Variants in LRRC4C observed in about 807,000 individuals in gnomAD.
LRRC4C encodes the protein leucine-rich repeat-containing protein 4C.
Under a neutral mutation model 33.6 loss-of-function variants are expected in LRRC4C, and 5 were observed. The ratio of observed to expected loss-of-function variants is 0.15; its 90% confidence interval spans 0.08 to 0.31. The LOEUF (loss-of-function observed/expected upper bound fraction) is 0.31, where lower values mean the gene tolerates loss of function less well. LRRC4C is among the 10% of genes least tolerant of loss of function. The probability of loss-of-function intolerance (pLI) is 1.00; values close to 1 mark genes in which losing one functional copy is unlikely to be tolerated. For missense variants in LRRC4C, 560 were observed against 796.7 expected, an observed-to-expected ratio of 0.70 and a Z score of 3.58; for synonymous variants, 329 against 302.0, an observed-to-expected ratio of 1.09 and a Z score of -0.93.
At chr11:41,171,368 A>T (rs910424257) in intron 1 of LRRC4C, among the ~76,000 whole-genome samples, 3 of 152,174 alleles carry the variant, frequency 2.0e-5, no homozygotes, top group African/African-American at 7.2e-5. Flanking sequence ...AATATCCAAC[A>T]ATGATAGACT....
rs149686651 is a variant in LRRC4C at position 40,918,402 on chromosome 11, A to T, written c.-407+15233T>A. 7.8e-3 allele frequency among the ~76,000 whole-genome samples: 1,184 copies of T among 151,748 alleles called. 36 individuals are homozygous for T. The highest frequency in any genetic ancestry group is 0.075 in the South Asian group (363 of 4,824). On this transcript the variant is annotated intron_variant, in intron 2 of 6. Coordinates refer to ENST00000528697, the MANE Select transcript of LRRC4C (RefSeq NM_001258419.2). ...TATATATTTATATTTATATTTATAT[A>T]TATGGAATCAAATTTGTAAAATGAA... is the stretch of plus-strand genomic sequence containing the variant.
intron 1 of LRRC4C, among the ~76,000 whole-genome samples, chr11:41,268,428 A>C (rs74329873): frequency 0.011 from 1,647 of 152,250 alleles, 16 homozygotes; most frequent in Non-Finnish European, 0.016. Context: ...GCTCTGTGGC[A>C]ATATTGTTAT....
chr11:41,017,676 G>C (rs1207817667), intron 1 of LRRC4C, among the ~76,000 whole-genome samples: 1 of 151,600 alleles, frequency 6.6e-6, no homozygotes. Context: ...ATGGAGAAAA[G>C]TAAGGGAGAG....
intron 2 of LRRC4C, among the ~76,000 whole-genome samples, chr11:40,833,504 C>T (rs1160475777): frequency 6.6e-6 from 1 of 151,856 alleles, no homozygotes; most frequent in African/African-American, 2.4e-5. Flanking sequence ...TGACTTTGAT[C>T]TCTGGAGTTC....
intron 4 of LRRC4C, chr11:40,292,201 A>G (rs544465244): frequency 2.6e-5 from 4 of 152,222 alleles, no homozygotes; most frequent in African/African-American, 9.6e-5. Flanking sequence ...ACTGTATTTC[A>G]GACTGATCAC....
At chr11:40,412,321 A>G (rs192395730) in intron 3 of LRRC4C, among the ~76,000 whole-genome samples, 63 of 152,226 alleles carry the variant, frequency 4.1e-4, no homozygotes, top group African/African-American at 1.5e-3. Flanking sequence ...TAATTCATAA[A>G]TAATAAATAA....
At chr11:41,315,527 T>G (rs1415107608) in intron 1 of LRRC4C, among the ~76,000 whole-genome samples, 2 of 152,128 alleles carry the variant, frequency 1.3e-5, no homozygotes, top group Non-Finnish European at 2.9e-5. Context: ...CAACACCAAC[T>G]TGCCAGCCAT....
At chr11:40,890,451 G>T (rs1166446182) in intron 2 of LRRC4C, among the ~76,000 whole-genome samples, 2 of 152,058 alleles carry the variant, frequency 1.3e-5, no homozygotes, top group African/African-American at 2.4e-5. Context: ...GAGGGCAAAG[G>T]CCTCATGACC....
chr11:40,571,490 CAAGAT>C (rs975435801), intron 3 of LRRC4C, among the ~76,000 whole-genome samples: 83 of 152,186 alleles, frequency 5.5e-4, no homozygotes, highest in African/African-American at 1.9e-3. Context: ...TATAGCTGGA[CAAGAT>C]AAGGCTGGAC....
At chr11:41,302,570 G>A (rs1014417005) in intron 1 of LRRC4C, among the ~76,000 whole-genome samples, 1 of 151,968 alleles carries the variant, frequency 6.6e-6, no homozygotes, top group Non-Finnish European at 1.5e-5. Context: ...AACATTTTCC[G>A]ATAAATTGCC....
intron 5 of LRRC4C, among the ~76,000 whole-genome samples, chr11:40,192,775 G>A (rs555305414): frequency 2.6e-4 from 40 of 152,148 alleles, no homozygotes; most frequent in Admixed American, 1.9e-3. Flanking sequence ...GGGGAGGGGC[G>A]TCCACCATTG....
At chr11:40,475,340 C>T (rs1024305370) in intron 3 of LRRC4C, among the ~76,000 whole-genome samples, 12 of 152,052 alleles carry the variant, frequency 7.9e-5, no homozygotes, top group African/African-American at 2.9e-4. Context: ...TCTCAGCAAA[C>T]TAACACAGGA....
chr11:41,074,575 A>G (rs1344673352), intron 1 of LRRC4C, among the ~76,000 whole-genome samples: 4 of 152,216 alleles, frequency 2.6e-5, no homozygotes. Context: ...GGCTGAAGAT[A>G]TTATAGTGAG....
At chr11:41,093,506 T>C (rs563142412) in intron 1 of LRRC4C, among the ~76,000 whole-genome samples, 1 of 152,202 alleles carries the variant, frequency 6.6e-6, no homozygotes, top group South Asian at 2.1e-4. Flanking sequence ...CTGTAAATAC[T>C]TGGAAGTGGA....
intron 1 of LRRC4C, among the ~76,000 whole-genome samples, chr11:41,042,524 T>C (rs142266364): frequency 2.4e-4 from 36 of 152,262 alleles, no homozygotes; most frequent in Middle Eastern, 3.4e-3. Flanking sequence ...CATAATTCAA[T>C]GTCTAATGCA....
intron 3 of LRRC4C, among the ~76,000 whole-genome samples, chr11:40,341,188 TG>T (rs1244797979): frequency 6.6e-6 from 1 of 152,210 alleles, no homozygotes; most frequent in East Asian, 1.9e-4. Flanking sequence ...AATTTGTCTT[TG>T]CAATAGTTTG....
intron 3 of LRRC4C, among the ~76,000 whole-genome samples, chr11:40,615,739 G>A (rs752058889): frequency 1.1e-4 from 17 of 151,768 alleles, no homozygotes; most frequent in Non-Finnish European, 2.4e-4. Flanking sequence ...CACCGGCTAT[G>A]CAGGAAGAAC....
intron 3 of LRRC4C, among the ~76,000 whole-genome samples, chr11:40,616,258 C>T (rs917437755): frequency 2.6e-5 from 4 of 151,870 alleles, no homozygotes; most frequent in Non-Finnish European, 5.9e-5. Flanking sequence ...AGTCAGGAAA[C>T]AACAGGTGCT....
rs150456452 is a variant in LRRC4C, at chr11:41,139,757, A to C, written c.-495-206034T>G. On this transcript the variant is annotated intron_variant, in intron 1 of 6. Coordinates refer to ENST00000528697, the MANE Select transcript of LRRC4C (RefSeq NM_001258419.2). ...CCTTTCTTTAAATGAAATTTTAGTC[A>C]GAAGCTCTGTATGTCAAACACTTAG... 1.4e-3 allele frequency among the ~76,000 whole-genome samples: 220 copies of C among 152,320 alleles called. 1 individual carries two copies. The highest frequency in any genetic ancestry group is 5.1e-3 in the African/African-American group (210 of 41,582).
Sources: gnomAD v4.1 joint callset for allele counts (sites outside exome capture counted in the v4.1 genomes callset) on GRCh38, gnomAD v4.1.1 for gene constraint, MANE v1.5 for transcripts, NCBI Gene and HGNC (gene_info 2026-07-23, HGNC 2026-07-21) for gene names.